SLC45A4: variants seen among roughly 807,000 people sequenced by gnomAD.
The protein encoded by SLC45A4 is solute carrier family 45 member 4.
SLC45A4 carries 32 observed loss-of-function variants against 63.7 expected under a neutral mutation model. The ratio of observed to expected loss-of-function variants is 0.50; its 90% CI spans 0.38 to 0.67. The LOEUF (loss-of-function observed/expected upper bound fraction) is 0.67. Ranked by LOEUF, SLC45A4 falls within the 30% of genes least tolerant of loss-of-function variation. The pLI, the probability that SLC45A4 is intolerant of heterozygous loss-of-function variation, is 0.00. For missense variants in SLC45A4, 1,027 were observed against 1,157.7 expected (o/e 0.89, Z 1.64); for synonymous variants, 535 against 510.0 (o/e 1.05, Z -0.66).
intron 1 of SLC45A4, among the ~76,000 whole-genome samples, chr8:141,296,389 A>G (rs1297598688): frequency 2.0e-5 from 3 of 151,740 alleles, no homozygotes; most frequent in Non-Finnish European, 4.4e-5. Context: ...AGTCCCAGCT[A>G]CTCAGGAGGC....
chr8:141,231,229 G>A (rs1227400896), intron 2 of SLC45A4, among the ~76,000 whole-genome samples: 1 of 152,224 alleles, frequency 6.6e-6, no homozygotes, highest in Non-Finnish European at 1.5e-5. Flanking sequence ...GACAGGGCAG[G>A]GACAGCCAGG....
intron 1 of SLC45A4, among the ~76,000 whole-genome samples, chr8:141,287,696 A>AC (rs1297486474): frequency 1.3e-5 from 2 of 152,280 alleles, no homozygotes; most frequent in Non-Finnish European, 2.9e-5. Flanking sequence ...TTCACCTGCC[A>AC]CCCCGTTCAA....
chr8:141,307,787 A>G (rs1589874105), intron 1 of SLC45A4, among the ~76,000 whole-genome samples: 1 of 71,784 alleles, frequency 1.4e-5, no homozygotes, highest in African/African-American at 5.6e-5. Flanking sequence ...GTCCAAATGA[A>G]GGCGCGCGCC....
At chr8:141,279,076 C>G (rs150631255) in intron 1 of SLC45A4, among the ~76,000 whole-genome samples, 1 of 152,388 alleles carries the variant, frequency 6.6e-6, no homozygotes, top group East Asian at 1.9e-4. Context: ...ACCCCCACCT[C>G]TGTGACGGCT....
intron 1 of SLC45A4, among the ~76,000 whole-genome samples, chr8:141,303,839 TGAACAATACCTCCCTCACTG>T (rs1484359929): frequency 6.6e-6 from 1 of 152,212 alleles, no homozygotes; most frequent in Non-Finnish European, 1.5e-5. Flanking sequence ...GACCCAGGTC[TGAACAATACCTCCCTCACTG>T]GGGCCTGGGC....
At chr8:141,236,667 G>T (rs1165941542) in intron 2 of SLC45A4, among the ~76,000 whole-genome samples, 1 of 152,220 alleles carries the variant, frequency 6.6e-6, no homozygotes, top group Non-Finnish European at 1.5e-5. Flanking sequence ...CTTGTATACT[G>T]ATTGCTTTTA....
intron 1 of SLC45A4, among the ~76,000 whole-genome samples, chr8:141,281,530 G>A (rs759112174): frequency 2.6e-5 from 4 of 152,200 alleles, no homozygotes; most frequent in Non-Finnish European, 4.4e-5. Flanking sequence ...AAAGCTCCGC[G>A]GCAGCACGTG....
chr8:141,302,597 G>T (rs568014295), intron 1 of SLC45A4, among the ~76,000 whole-genome samples: 20 of 152,336 alleles, frequency 1.3e-4, no homozygotes, highest in African/African-American at 4.6e-4. Context: ...CTCCCAAAGA[G>T]CTAGGATTAC....
At position 141,215,355 on chromosome 8, in the gene SLC45A4, C is replaced by T. The variant is rs769262087; in HGVS notation, c.1941+404G>A. 1.3e-5 allele frequency among the ~76,000 whole-genome samples: 2 copies of T among 152,224 alleles called. No homozygotes were observed. The highest frequency in any genetic ancestry group is 1.3e-4 in the Admixed American group (2 of 15,286). On this transcript the variant is annotated intron_variant, in intron 7 of 8. Transcript: ENST00000517878. The surrounding 1 kb of genome is among the most constrained non-coding windows in gnomAD (Gnocchi z 4.3). ...AAATATGCTATGAAAATGGCCTTCA[C>T]TGGCCTTTTCACTTTCTAAACGTGG...
At chr8:141,267,335 A>C (rs1377054433) in intron 1 of SLC45A4, among the ~76,000 whole-genome samples, 1 of 152,244 alleles carries the variant, frequency 6.6e-6, no homozygotes, top group African/African-American at 2.4e-5. Context: ...AGGCTCCTGC[A>C]CTGGAGTGGA....
chr8:141,297,076 C>T (rs10106592), intron 1 of SLC45A4, among the ~76,000 whole-genome samples: 77,998 of 150,586 alleles, frequency 0.52, 21,288 homozygotes, highest in South Asian at 0.61. Context: ...GTTACTGAGT[C>T]CCCCCCAGGT....
In SLC45A4 at chr8:141,212,387, A is replaced by T. The variant is rs1012488607; in HGVS notation, c.2111T>A (p.Phe704Tyr). Residue 704 changes from phenylalanine (F) to tyrosine (Y), a missense_variant, in exon 8 of 9, where the codon TTC becomes TAC. Phe to Tyr is a conservative substitution (Grantham distance 22). Transcript: ENST00000517878. ...VIPMVASVGSFLGFLTATFLV... is the reference protein window; with the variant it reads ...VIPMVASVGSYLGFLTATFLV... The stretch of plus-strand genomic sequence containing the variant: ...GAATGTGGCCGTCAGGAAGCCCAGG[A>T]AAGAGCCCACAGAGGCCACCATGGG... 6.2e-7 allele frequency: 1 copy of T among 1,613,586 alleles called. No homozygotes were observed. Among genetic ancestry groups the T allele is most frequent in the African/African-American group, 1.3e-5 (1 of 74,928 alleles).
intron 2 of SLC45A4, among the ~76,000 whole-genome samples, chr8:141,241,315 G>T (rs1413512413): frequency 6.6e-6 from 1 of 152,220 alleles, no homozygotes; most frequent in Non-Finnish European, 1.5e-5. Context: ...CTGCACTGTT[G>T]TTCTCCAAGA....
intron 2 of SLC45A4, among the ~76,000 whole-genome samples, chr8:141,251,361 C>T (rs1828456579): frequency 6.6e-6 from 1 of 152,084 alleles, no homozygotes; most frequent in South Asian, 2.1e-4. Context: ...GAGCCCTTGC[C>T]CTGCTCTCCA....
intron 7 of SLC45A4, among the ~76,000 whole-genome samples, chr8:141,214,888 C>T (rs1370681957): frequency 2.0e-5 from 3 of 152,162 alleles, no homozygotes; most frequent in Non-Finnish European, 4.4e-5. Flanking sequence ...TGAACCCCCA[C>T]CTCAAACCAC....
In SLC45A4 at chr8:141,303,825, C is replaced by T. The variant is rs191018221; in HGVS notation, c.-401+4271G>A. Among the ~76,000 whole-genome samples, 271 of 152,330 alleles carry T rather than the reference C, an allele frequency of 1.8e-3. 1 individual carries two copies. The highest frequency in any genetic ancestry group is 6.1e-3 in the African/African-American group (253 of 41,578). On this transcript the variant is annotated intron_variant, in intron 1 of 8. Transcript: ENST00000517878. Reference sequence around the variant, plus strand: ...CAACAGGTTTAGGAGGATGAAAGTACCGAGACCCAGGTCTGAACAATACCT... The same window carrying T: ...CAACAGGTTTAGGAGGATGAAAGTATCGAGACCCAGGTCTGAACAATACCT...
chr8:141,230,061 C>T (rs1013076375), intron 2 of SLC45A4: 8 of 456,136 alleles, frequency 1.8e-5, no homozygotes, highest in Non-Finnish European at 3.5e-5. Flanking sequence ...TAAGAAAGTT[C>T]TCTGCAAGTC....
At chr8:141,225,327 CA>C (rs1378345493) in intron 2 of SLC45A4, 1 of 152,236 alleles carries the variant, frequency 6.6e-6, no homozygotes, top group Non-Finnish European at 1.5e-5. Flanking sequence ...CTCCTAACTC[CA>C]CCCGAACTCT....
intron 2 of SLC45A4, 93 bp downstream of exon 2, chr8:141,253,896 G>C (rs949392548): frequency 1.3e-6 from 2 of 1,492,826 alleles, no homozygotes; most frequent in South Asian, 1.3e-5. Context: ...TCTCCAGGAC[G>C]CACCATCCTC....
Sources: allele counts gnomAD v4.1 joint callset (sites outside exome capture counted in the v4.1 genomes callset), GRCh38; gene constraint gnomAD v4.1.1; non-coding constraint Gnocchi (gnomAD v3.1); transcripts MANE v1.5; gene names NCBI Gene and HGNC (gene_info 2026-07-23, HGNC 2026-07-21).